The following ACOXL variants were observed in gnomAD, a reference collection of about 807,000 sequenced individuals.
The protein encoded by ACOXL is acyl-CoA oxidase like.
ACOXL carries 70 observed loss-of-function variants against 71.9 expected under a neutral mutation model. The ratio of observed to expected loss-of-function variants is 0.97; its 90% CI spans 0.80 to 1.19. The LOEUF is 1.19. ACOXL is among the 50% of genes most tolerant of loss of function. The pLI is 0.00. For missense variants in ACOXL, 703 were observed against 736.3 expected (o/e 0.95, Z 0.52); for synonymous variants, 253 against 281.6 (o/e 0.90, Z 1.02).
intron 11 of ACOXL, among the ~76,000 whole-genome samples, chr2:110,916,562 G>C (rs990253627): frequency 5.3e-5 from 8 of 152,196 alleles, no homozygotes; most frequent in Non-Finnish European, 1.0e-4. Flanking sequence ...ACTAAGATCG[G>C]AACAGAACTG....
At chr2:110,771,216 T>C (rs1681879045) in intron 2 of ACOXL, among the ~76,000 whole-genome samples, 1 of 152,184 alleles carries the variant, frequency 6.6e-6, no homozygotes, top group South Asian at 2.1e-4. Flanking sequence ...GCGGATGTCA[T>C]GAGACTCGGC....
At chr2:111,040,026 A>T (rs2065701194) in intron 15 of ACOXL, among the ~76,000 whole-genome samples, 1 of 152,222 alleles carries the variant, frequency 6.6e-6, no homozygotes, top group African/African-American at 2.4e-5. Flanking sequence ...GAGCAGTTTA[A>T]GACAAAATAA....
intron 13 of ACOXL, among the ~76,000 whole-genome samples, chr2:110,993,604 C>CT (rs1296217119): frequency 6.6e-6 from 1 of 152,134 alleles, no homozygotes; most frequent in Non-Finnish European, 1.5e-5. Context: ...CTTGTATAAC[C>CT]TTTTTTGTGA....
chr2:110,945,858 G>GT lies in ACOXL; in HGVS notation c.1059+12227dup, dbSNP rs551676861. 5.8e-3 allele frequency among the ~76,000 whole-genome samples: 861 copies of GT among 147,748 alleles called. 3 individuals carry two copies. The highest frequency in any genetic ancestry group is 8.8e-3 in the African/African-American group (355 of 40,432). ...TTGGTTCCGTATGAATTTTAAACTA[G>GT]TTTTTTTTTTTCTAATTCTGTGAAG... On this transcript the variant is annotated intron_variant, in intron 12 of 17. Transcript: ENST00000439055.
At chr2:110,739,098 A>G (rs1677201043) in intron 1 of ACOXL, among the ~76,000 whole-genome samples, 1 of 151,888 alleles carries the variant, frequency 6.6e-6, no homozygotes, top group Non-Finnish European at 1.5e-5. Context: ...TTCCATTTGT[A>G]TTTTTGACCT....
At position 110,987,175 on chromosome 2, in the gene ACOXL, TC is replaced by T; in HGVS notation, c.1129del (p.Gln377LysfsTer11). 7 of 1,579,440 alleles carry T rather than the reference TC, an allele frequency of 4.4e-6. No homozygotes were observed. The highest frequency in any genetic ancestry group is 6.0e-6 in the Non-Finnish European group (7 of 1,159,562). ...QYEEKPLFGL[L>X]QNWAESVGDK... ...GAAGAAAAACCACTCTTTGGCCTGC[TC>T]CAAAACTGGGCTGAATCTGTGGGGG... is the stretch of plus-strand genomic sequence containing the variant. On this transcript the variant is annotated frameshift_variant, in exon 13 of 18. Coordinates refer to ENST00000439055, the MANE Select transcript of ACOXL (RefSeq NM_001142807.4). LOFTEE classifies it high-confidence loss of function.
intron 8 of ACOXL, among the ~76,000 whole-genome samples, chr2:110,802,043 A>G (rs187600887): frequency 2.0e-5 from 3 of 152,344 alleles, no homozygotes; most frequent in South Asian, 2.1e-4. Flanking sequence ...TCTAGATTCT[A>G]TGTTCAAAAT....
At chr2:110,998,406 A>G (rs1027329768) in intron 14 of ACOXL, among the ~76,000 whole-genome samples, 9 of 152,244 alleles carry the variant, frequency 5.9e-5, no homozygotes, top group Non-Finnish European at 1.3e-4. Flanking sequence ...AGAACAAATC[A>G]GAAAGCATGT....
At position 110,956,679 on chromosome 2, in the gene ACOXL, T is replaced by G. The variant is rs114289285; in HGVS notation, c.1059+23037T>G. On this transcript the variant is annotated intron_variant, in intron 12 of 17. Transcript: ENST00000439055. The stretch of plus-strand genomic sequence containing the variant: ...TCAGTCTCTGTATTTTTAACTGGCC[T>G]CCTCTAACACATAAGATAAGATTGA... Among the ~76,000 whole-genome samples the G allele has an allele frequency of 4.0e-3, 616 of 152,330 alleles. 2 individuals carry two copies. Among genetic ancestry groups the G allele is most frequent in the African/African-American group, 0.013 (525 of 41,574 alleles).
chr2:110,889,191 G>A (rs779660622), intron 10 of ACOXL, among the ~76,000 whole-genome samples: 7 of 152,112 alleles, frequency 4.6e-5, no homozygotes, highest in Non-Finnish European at 8.8e-5. Context: ...TTTACCACAC[G>A]AGTGCACAAA....
At chr2:111,113,657 A>C (rs2070146224) in intron 17 of ACOXL, among the ~76,000 whole-genome samples, 1 of 152,216 alleles carries the variant, frequency 6.6e-6, no homozygotes, top group Non-Finnish European at 1.5e-5. Context: ...TGCACGAGAC[A>C]AGCATGGAAT....
chr2:111,093,094 A>G (rs1218379180), intron 17 of ACOXL, 128 bp downstream of exon 17: 1 of 695,730 alleles, frequency 1.4e-6, no homozygotes, highest in Non-Finnish European at 2.4e-6. Flanking sequence ...GGGACTTCAC[A>G]TGTATATTTT....
chr2:110,937,028 G>A (rs202061246), intron 12 of ACOXL, among the ~76,000 whole-genome samples: 1 of 152,140 alleles, frequency 6.6e-6, no homozygotes, highest in East Asian at 1.9e-4. Flanking sequence ...TGTACTTTTA[G>A]TAGAGATGGG....
At chr2:111,088,879 G>A (rs1241435300) in intron 16 of ACOXL, among the ~76,000 whole-genome samples, 3 of 152,198 alleles carry the variant, frequency 2.0e-5, no homozygotes, top group African/African-American at 7.2e-5. Flanking sequence ...ATTCCAGATA[G>A]TTTATGTACA....
At chr2:111,108,297 T>A (rs1008216015) in intron 17 of ACOXL, among the ~76,000 whole-genome samples, 5 of 151,980 alleles carry the variant, frequency 3.3e-5, no homozygotes, top group African/African-American at 1.2e-4. Context: ...TCCCCCCAAA[T>A]TGCTTTGTTT....
intron 9 of ACOXL, among the ~76,000 whole-genome samples, chr2:110,815,564 C>T (rs1243311852): frequency 6.6e-6 from 1 of 152,160 alleles, no homozygotes; most frequent in Non-Finnish European, 1.5e-5. Context: ...GTATGTGCTG[C>T]CATGTCTGTA....
intron 10 of ACOXL, among the ~76,000 whole-genome samples, chr2:110,859,607 C>T (rs1693695089): frequency 6.6e-6 from 1 of 152,184 alleles, no homozygotes; most frequent in Admixed American, 6.5e-5. Flanking sequence ...CGGCAGCCGG[C>T]TGCATGGAGA....
chr2:110,948,573 G>A (rs943213847), intron 12 of ACOXL, among the ~76,000 whole-genome samples: 10 of 151,930 alleles, frequency 6.6e-5, no homozygotes, highest in Non-Finnish European at 1.5e-4. Context: ...GAAGGAGCCT[G>A]TGGCCTCTGT....
At chr2:111,018,934 T>C (rs2064606279) in intron 14 of ACOXL, among the ~76,000 whole-genome samples, 1 of 152,148 alleles carries the variant, frequency 6.6e-6, no homozygotes, top group Non-Finnish European at 1.5e-5. Flanking sequence ...CACCTCCCAC[T>C]CACAGCCCCA....
Sources: allele counts gnomAD v4.1 joint callset (sites outside exome capture counted in the v4.1 genomes callset), GRCh38; gene constraint gnomAD v4.1.1; transcripts MANE v1.5; gene names NCBI Gene and HGNC (gene_info 2026-07-23, HGNC 2026-07-21).